Variants in WLS observed in about 807,000 individuals in gnomAD.
WLS encodes the protein protein wntless homolog.
Under a neutral mutation model 62.8 loss-of-function variants are expected in WLS, and 23 were observed. The ratio of observed to expected loss-of-function variants is 0.37; its 90% confidence interval spans 0.26 to 0.52. The LOEUF (loss-of-function observed/expected upper bound fraction) is 0.52, where lower values mean the gene tolerates loss of function less well. Ranked by LOEUF, WLS falls within the 20% of genes least tolerant of loss-of-function variation. The pLI, the probability that WLS is intolerant of heterozygous loss-of-function variation, is 0.92. For synonymous variants in WLS, 246 were observed against 244.1 expected (o/e 1.01, Z -0.07); for missense variants, 615 against 697.3 (o/e 0.88, Z 1.33).
intron 2 of WLS, among the ~76,000 whole-genome samples, chr1:68,169,835 C>T (rs1294951745): frequency 6.6e-6 from 1 of 152,212 alleles, no homozygotes; most frequent in Non-Finnish European, 1.5e-5. Flanking sequence ...TGTTATGTAG[C>T]AGCCTAGGTT....
chr1:68,123,633 C>T (rs922921417), downstream of WLS, among the ~76,000 whole-genome samples: 12 of 152,024 alleles, frequency 7.9e-5, no homozygotes, highest in Non-Finnish European at 1.8e-4. Flanking sequence ...ATTGTTTGCC[C>T]AATTCAAAAT....
rs1179175109 is a variant in WLS, at chr1:68,107,887, A to T, written c.1511-9134T>A. ...ACACACCCCAGGCTCTGAGGTGGATACAATGCAGAAGAGAAGCACACTCCC... is the reference window on the plus strand; with the variant it reads ...ACACACCCCAGGCTCTGAGGTGGATTCAATGCAGAAGAGAAGCACACTCCC... On this transcript the variant is annotated intron_variant, in intron 11 of 11. Coordinates refer to the WLS transcript ENST00000354777. Among the ~76,000 whole-genome samples the T allele has an allele frequency of 3.3e-5, 5 of 152,100 alleles. No individual in the cohort carries two copies. The East Asian group carries it at 9.6e-4, about 29-fold the overall frequency.
intron 11 of WLS, among the ~76,000 whole-genome samples, chr1:68,128,668 A>C (rs1164482403): frequency 6.6e-6 from 1 of 152,252 alleles, no homozygotes; most frequent in East Asian, 1.9e-4. Context: ...ACTTGAAAAA[A>C]CAGCCAAAAT....
At chr1:68,215,719 T>C (rs1232818343) in intron 1 of WLS, among the ~76,000 whole-genome samples, 1 of 152,230 alleles carries the variant, frequency 6.6e-6, no homozygotes, top group African/African-American at 2.4e-5. Flanking sequence ...ATTTTATCCA[T>C]ACTATGGGTT....
chr1:68,192,065 C>T (rs1291921194), intron 2 of WLS, among the ~76,000 whole-genome samples: 3 of 152,144 alleles, frequency 2.0e-5, no homozygotes, highest in Non-Finnish European at 2.9e-5. Flanking sequence ...TCCACTTAGC[C>T]GTAAGTTCCT....
intron 2 of WLS, among the ~76,000 whole-genome samples, chr1:68,193,444 G>GAAAAAAAAAAAAAAAAAATA (rs111934768): frequency 2.8e-5 from 1 of 35,642 alleles, no homozygotes; most frequent in African/African-American, 7.6e-5. Flanking sequence ...AAAAAAAAAC[G>GAAAAAAAAAAAAAAAAAATA]AAAAAAAAAC....
At chr1:68,124,361 G>A (rs1646399002), downstream of WLS, among the ~76,000 whole-genome samples, 1 of 152,120 alleles carries the variant, frequency 6.6e-6, no homozygotes, top group Non-Finnish European at 1.5e-5. Context: ...CTCATCATCT[G>A]CTATTTCCAT....
At chr1:68,162,814 T>C in intron 2 of WLS, 7 of 1,249,974 alleles carry the variant, frequency 5.6e-6, no homozygotes, top group Non-Finnish European at 7.0e-6. Flanking sequence ...CTTAAACTTT[T>C]CTAGGTCCTC....
At chr1:68,159,777 A>C (rs1398862274) in intron 2 of WLS, among the ~76,000 whole-genome samples, 1 of 152,198 alleles carries the variant, frequency 6.6e-6, no homozygotes, top group Non-Finnish European at 1.5e-5. Context: ...TTATTCCCGA[A>C]AGTTCTCAAA....
At chr1:68,199,262 C>T (rs1449249549) in intron 1 of WLS, among the ~76,000 whole-genome samples, 3 of 152,130 alleles carry the variant, frequency 2.0e-5, no homozygotes, top group Admixed American at 6.6e-5. Context: ...AAGACAGAGA[C>T]GAATGGCCTC....
At chr1:68,214,032 A>G (rs1379374751) in intron 1 of WLS, among the ~76,000 whole-genome samples, 1 of 152,140 alleles carries the variant, frequency 6.6e-6, no homozygotes, top group Non-Finnish European at 1.5e-5. Context: ...CTGCTGGGAC[A>G]TCCTGTTGCC....
chr1:68,172,253 A>C (rs531273092), intron 2 of WLS, among the ~76,000 whole-genome samples: 2 of 152,042 alleles, frequency 1.3e-5, no homozygotes, highest in Non-Finnish European at 2.9e-5. Context: ...TGGCACATGT[A>C]TACCTATGTA....
In WLS at chr1:68,125,469, TAAAA is replaced by T. The variant is rs1183417614; in HGVS notation, c.*753_*756del. On this transcript the variant is annotated 3_prime_UTR_variant, in exon 12 of 12. Transcript: ENST00000262348. ...GGCTATTTGAAGTATCTTATCAAAATAAAACGCATTTTAAGCAAGAAGTTAAAAA... is the reference window on the plus strand; with the variant it reads ...GGCTATTTGAAGTATCTTATCAAAATCGCATTTTAAGCAAGAAGTTAAAAA... The T allele has an allele frequency of 1.0e-6, 1 of 985,310 alleles. No homozygotes were observed. Among genetic ancestry groups the T allele is most frequent in the Non-Finnish European group, 1.2e-6 (1 of 829,922 alleles). 61.0% of individuals were successfully genotyped at this position (985,310 alleles called of 1,614,324 possible).
intron 2 of WLS, among the ~76,000 whole-genome samples, chr1:68,191,144 G>A (rs1197667720): frequency 6.6e-6 from 1 of 151,864 alleles, no homozygotes; most frequent in Non-Finnish European, 1.5e-5. Flanking sequence ...ACAGTCAGTA[G>A]ACAGTAATTA....
chr1:68,202,351 A>C (rs1340412529), intron 1 of WLS: 1 of 152,226 alleles, frequency 6.6e-6, no homozygotes, highest in African/African-American at 2.4e-5. Context: ...GGATGTGCTA[A>C]TTGGTGTAGC....
At chr1:68,141,324 C>T (rs1646683374) in intron 10 of WLS, 1 of 152,192 alleles carries the variant, frequency 6.6e-6, no homozygotes, top group Non-Finnish European at 1.5e-5. Context: ...TGTCAGGCAC[C>T]TGGGGGTCCC....
chr1:68,210,043 G>C (rs1188161349), intron 1 of WLS, among the ~76,000 whole-genome samples: 1 of 152,184 alleles, frequency 6.6e-6, no homozygotes, highest in African/African-American at 2.4e-5. Context: ...CCACTGTATG[G>C]ACTATTGTAG....
chr1:68,200,458 T>C (rs1407371950), intron 1 of WLS, among the ~76,000 whole-genome samples: 1 of 143,776 alleles, frequency 7.0e-6, no homozygotes, highest in Non-Finnish European at 1.5e-5. Flanking sequence ...TTGGGACTGA[T>C]TTCAACGGAT....
chr1:68,212,288 A>G (rs1352808822), intron 1 of WLS, among the ~76,000 whole-genome samples: 1 of 152,216 alleles, frequency 6.6e-6, no homozygotes, highest in Non-Finnish European at 1.5e-5. Context: ...GGAGTCCCAG[A>G]GCTGAATGAA....
Sources: gnomAD v4.1 joint callset for allele counts (sites outside exome capture counted in the v4.1 genomes callset) on GRCh38, gnomAD v4.1.1 for gene constraint, MANE v1.5 for transcripts, NCBI Gene and HGNC (gene_info 2026-07-23, HGNC 2026-07-21) for gene names.